Variants in TEPSIN observed in about 807,000 individuals in gnomAD.
TEPSIN encodes the protein AP-4 complex accessory subunit tepsin.
TEPSIN carries 50 observed loss-of-function variants against 48.5 expected under a neutral mutation model. The ratio of observed to expected loss-of-function variants is 1.03; its 90% CI spans 0.82 to 1.31. The LOEUF is 1.31. Ranked by LOEUF, TEPSIN falls within the 50% of genes most tolerant of loss-of-function variation. The probability of loss-of-function intolerance (pLI) is 0.00; values close to 1 mark genes in which losing one functional copy is unlikely to be tolerated. For synonymous variants in TEPSIN, 392 were observed against 358.8 expected (o/e 1.09, Z -1.05); for missense variants, 838 against 815.9 (o/e 1.03, Z -0.33).
chr17:81,238,075 G>A, intron 1 of TEPSIN: 10 of 989,542 alleles, frequency 1.0e-5, no homozygotes, highest in Non-Finnish European at 1.2e-5. Context: ...TATCAGGACA[G>A]AATAGAGTTC....
chr17:81,236,623 T>A, intron 4 of TEPSIN, 85 bp downstream of exon 4: 1 of 1,381,730 alleles, frequency 7.2e-7, no homozygotes, highest in Non-Finnish European at 1.0e-6. Context: ...GGCTGAAGTC[T>A]TCCTTCTCAA....
intron 1 of TEPSIN, chr17:81,238,522 G>T: frequency 1.4e-6 from 1 of 738,776 alleles, no homozygotes; most frequent in Non-Finnish European, 1.7e-6. Context: ...ACAATGGTGC[G>T]TCCTTCTCTG....
In TEPSIN at chr17:81,232,603, C is replaced by G. The variant is rs2062640108; in HGVS notation, c.527-85G>C. The G allele has an allele frequency of 1.0e-5, 13 of 1,297,362 alleles. No homozygotes were observed. The South Asian group carries it at 1.8e-4, about 18-fold the overall frequency. The allele number at this position is 1,297,362 out of a possible 1,614,324, so 80.4% of individuals were successfully genotyped here. A position where few individuals can be genotyped will look rare whatever the true frequency, so the allele number is the denominator to read the frequency against. ...TGGGAGCAGGGTGCCCGCATCGGCT[C>G]CCTGCTCAAGCTTGGAGAGGTCGGG... On this transcript the variant is annotated intron_variant, in intron 7 of 12. Transcript: ENST00000637944.
chr17:81,237,231 A>G, intron 2 of TEPSIN, 156 bp downstream of exon 2: 1 of 1,167,636 alleles, frequency 8.6e-7, no homozygotes, highest in East Asian at 2.6e-5. Flanking sequence ...CTGTGTCATC[A>G]GTATTGCAGC....
At position 81,228,775 on chromosome 17, in the gene TEPSIN, C is replaced by G; in HGVS notation, c.*153G>C. The G allele has an allele frequency of 1.1e-6, 1 of 902,464 alleles. No individual in the cohort carries two copies. The highest frequency in any genetic ancestry group is 1.7e-6 in the Non-Finnish European group (1 of 593,430). The allele number at this position is 902,464 out of a possible 1,614,324, so 55.9% of individuals were successfully genotyped here. A position where few individuals can be genotyped will look rare whatever the true frequency, so the allele number is the denominator to read the frequency against. On this transcript the variant is annotated 3_prime_UTR_variant, in exon 13 of 13. Transcript: ENST00000637944. Reference sequence around the variant, plus strand: ...AAGTCCAAATAGCCAGAGCCTCTGGCAGAGGAGATGGGGGAAACTGAGGTA... The same window carrying G: ...AAGTCCAAATAGCCAGAGCCTCTGGGAGAGGAGATGGGGGAAACTGAGGTA...
intron 11 of TEPSIN, chr17:81,231,084 C>T: frequency 1.9e-6 from 1 of 527,090 alleles, no homozygotes. Flanking sequence ...TGCATGCACA[C>T]ACACACAGGC....
rs1213692771 is a variant in TEPSIN, at chr17:81,229,198, G to T, written c.1512C>A (p.Ala504=). The change falls in exon 13 of 13, where the codon GCC becomes GCA. Residue 504 remains alanine, a synonymous_variant. Coordinates refer to ENST00000637944, the MANE Select transcript of TEPSIN (RefSeq NM_001363764.2). ...PAPGDPSEAE[A]RLAESRRWRP... Reference sequence around the variant, plus strand: ...TCCACCGCCTGCTTTCTGCCAGTCTGGCCTCGGCCTCGCTGGGGTCTCCGG... The same window carrying T: ...TCCACCGCCTGCTTTCTGCCAGTCTTGCCTCGGCCTCGCTGGGGTCTCCGG... The T allele has an allele frequency of 6.2e-7, 1 of 1,609,566 alleles. No individual in the cohort carries two copies. Among genetic ancestry groups the T allele is most frequent in the Non-Finnish European group, 8.5e-7 (1 of 1,178,730 alleles).
intron 8 of TEPSIN, 138 bp from the exon 9 acceptor site, chr17:81,232,159 A>C (rs750982019): frequency 2.9e-5 from 38 of 1,316,922 alleles, no homozygotes; most frequent in Non-Finnish European, 3.9e-5. Context: ...CTCCAGCTTC[A>C]GCAAACACCA....
At chr17:81,232,252 A>C (rs1026529244) in intron 8 of TEPSIN, 63 bp downstream of exon 8, 1 of 1,445,752 alleles carries the variant, frequency 6.9e-7, no homozygotes, top group African/African-American at 1.4e-5. Context: ...GTGGCCGCAA[A>C]GCCCCAGCGG....
At chr17:81,235,790 G>A (rs1054200261) in intron 4 of TEPSIN, among the ~76,000 whole-genome samples, 17 of 152,214 alleles carry the variant, frequency 1.1e-4, no homozygotes, top group Non-Finnish European at 2.4e-4. Flanking sequence ...CCGCACTGCC[G>A]TCCCCTCAGG....
rs1460065998 is a variant in TEPSIN, at chr17:81,233,505, T to G, written c.455-2A>C. The G allele has an allele frequency of 6.3e-7, 1 of 1,595,794 alleles. No homozygotes were observed. The highest frequency in any genetic ancestry group is 2.2e-5 in the East Asian group (1 of 44,580). ...GCGGCCTGGCCTGGGAGCCCATGCCTGCAGAGGGTCCTCCGTTAGCAGCAA... is the reference window on the plus strand; with the variant it reads ...GCGGCCTGGCCTGGGAGCCCATGCCGGCAGAGGGTCCTCCGTTAGCAGCAA... On this transcript the variant is annotated splice_acceptor_variant, in intron 6 of 12. Coordinates refer to ENST00000637944, the MANE Select transcript of TEPSIN (RefSeq NM_001363764.2). LOFTEE classifies it high-confidence loss of function. This position sits in a 1 kb window ranked among gnomAD's most constrained non-coding sequence, Gnocchi z 5.8.
chr17:81,234,178 T>C lies in TEPSIN; in HGVS notation c.308-130A>G. On this transcript the variant is annotated intron_variant, in intron 4 of 12. Transcript: ENST00000637944. The surrounding 1 kb of genome is among the most constrained non-coding windows in gnomAD (Gnocchi z 5.4). ...ACCAAGGCCCTTCTGTCACAGCCAA[T>C]GGGATGCCCTCCTCCAGGACCCTGC... 2.8e-6 allele frequency: 2 copies of C among 717,072 alleles called. No individual in the cohort carries two copies. The highest frequency in any genetic ancestry group is 4.4e-6 in the Non-Finnish European group (2 of 453,938). The allele number at this position is 717,072 out of a possible 1,614,324, so 44.4% of individuals were successfully genotyped here. A position where few individuals can be genotyped will look rare whatever the true frequency, so the allele number is the denominator to read the frequency against.
At position 81,228,870 on chromosome 17, in the gene TEPSIN, A is replaced by G; in HGVS notation, c.*58T>C. ...CAGCTACGGTTGAGGCTGCTCAGGA[A>G]GCACAGACCGCCCCAGACAGCAGCT... On this transcript the variant is annotated 3_prime_UTR_variant, in exon 13 of 13. Transcript: ENST00000637944. 2 of 1,598,964 alleles carry G rather than the reference A, an allele frequency of 1.3e-6. No homozygotes were observed. Among genetic ancestry groups the G allele is most frequent in the Non-Finnish European group, 8.5e-7 (1 of 1,173,254 alleles).
intron 11 of TEPSIN, 146 bp downstream of exon 11, chr17:81,231,251 AC>A (rs2062597994): frequency 1.3e-6 from 1 of 798,984 alleles, no homozygotes; most frequent in Non-Finnish European, 1.9e-6. Flanking sequence ...ACGCACACAC[AC>A]AGGCATGTGC....
Position 81,232,458 on chromosome 17 carries a change from G to A in TEPSIN, c.587C>T (p.Ala196Val). The change falls in exon 8 of 13, where the codon GCC (alanine) becomes GTC (valine). Residue 196 changes from alanine (A) to valine (V), a missense_variant. Coordinates refer to ENST00000637944, the MANE Select transcript of TEPSIN (RefSeq NM_001363764.2). ...GGGACTCTCGGGCCCGGGGCGCATG[G>A]CGCTGGCCACCACCTCTGCGGCCTT... The part of the protein sequence containing the change: ...IQKAAEVVAS[A>V]MRPGPESPST... The A allele has an allele frequency of 3.3e-6, 5 of 1,535,510 alleles. No homozygotes were observed. Among genetic ancestry groups the A allele is most frequent in the Non-Finnish European group, 4.4e-6 (5 of 1,146,652 alleles).
rs2062672388 is a variant in TEPSIN at position 81,233,891 on chromosome 17, T to A, written c.375+90A>T. 15 of 1,454,130 alleles carry A rather than the reference T, an allele frequency of 1.0e-5. No individual in the cohort carries two copies. The South Asian group carries it at 2.0e-4, about 19-fold the overall frequency. 90.1% of individuals were successfully genotyped at this position (1,454,130 alleles called of 1,614,324 possible). A position where few individuals can be genotyped will look rare whatever the true frequency, so the allele number is the denominator to read the frequency against. ...AGGCAGGGGTCCCGGATGGGAGAACTGCAAACCCCCCAGCTGACATCCTGG... is the reference window on the plus strand; with the variant it reads ...AGGCAGGGGTCCCGGATGGGAGAACAGCAAACCCCCCAGCTGACATCCTGG... On this transcript the variant is annotated intron_variant, in intron 5 of 12. Transcript: ENST00000637944. This position sits in a 1 kb window ranked among gnomAD's most constrained non-coding sequence, Gnocchi z 5.8.
rs1320239745 is a variant in TEPSIN at position 81,231,625 on chromosome 17, TC to T, written c.971del (p.Gly324AspfsTer6). On this transcript the variant is annotated frameshift_variant, in exon 10 of 13. Coordinates refer to ENST00000637944, the MANE Select transcript of TEPSIN (RefSeq NM_001363764.2). LOFTEE classifies it high-confidence loss of function. ...ELSLVRTVTR[G>X]PRAFLSREEA... ...CCTCGCGGCTCAGGAAGGCGCGTGGTCCCCGAGTCACAGTCCTCACCAAGCT... is the reference window on the plus strand; with the variant it reads ...CCTCGCGGCTCAGGAAGGCGCGTGGTCCCGAGTCACAGTCCTCACCAAGCT... The T allele has an allele frequency of 6.2e-7, 1 of 1,612,992 alleles. No homozygotes were observed. Among genetic ancestry groups the T allele is most frequent in the African/African-American group, 1.3e-5 (1 of 74,872 alleles).
At position 81,230,921 on chromosome 17, in the gene TEPSIN, C is replaced by T; in HGVS notation, c.1099-243G>A. On this transcript the variant is annotated intron_variant, in intron 11 of 12. Transcript: ENST00000637944. This position sits in a 1 kb window ranked among gnomAD's most constrained non-coding sequence, Gnocchi z 4.2. ...AGACACCAGAGCCCTGTCTTCACCGCCTTACACCCCAGCTCCCGGACACCA... is the reference window on the plus strand; with the variant it reads ...AGACACCAGAGCCCTGTCTTCACCGTCTTACACCCCAGCTCCCGGACACCA... 3.6e-6 allele frequency: 2 copies of T among 559,790 alleles called. No individual in the cohort carries two copies. Among genetic ancestry groups the T allele is most frequent in the Non-Finnish European group, 6.2e-6 (2 of 324,878 alleles). 34.7% of individuals were successfully genotyped at this position (559,790 alleles called of 1,614,324 possible). A position where few individuals can be genotyped will look rare whatever the true frequency, so the allele number is the denominator to read the frequency against.
At position 81,228,554 on chromosome 17, in the gene TEPSIN, A is replaced by C; in HGVS notation, c.*374T>G. 1 of 316,338 alleles carries C rather than the reference A, an allele frequency of 3.2e-6. No individual in the cohort carries two copies. Among genetic ancestry groups the C allele is most frequent in the African/African-American group, 2.3e-5 (1 of 43,806 alleles). 19.6% of individuals were successfully genotyped at this position (316,338 alleles called of 1,614,324 possible). A position where few individuals can be genotyped will look rare whatever the true frequency, so the allele number is the denominator to read the frequency against. ...GCCCACCCCGATGGGACGGGGGAGC[A>C]GTGGCTTGTTGCTGCTCATGACCTC... On this transcript the variant is annotated 3_prime_UTR_variant, in exon 13 of 13. Coordinates refer to ENST00000637944, the MANE Select transcript of TEPSIN (RefSeq NM_001363764.2).
Sources: gnomAD v4.1 joint callset for allele counts (sites outside exome capture counted in the v4.1 genomes callset) on GRCh38, gnomAD v4.1.1 for gene constraint, Gnocchi (gnomAD v3.1) non-coding constraint, MANE v1.5 for transcripts, NCBI Gene and HGNC (gene_info 2026-07-23, HGNC 2026-07-21) for gene names.